Variants in TMCO4 observed in about 807,000 individuals in gnomAD.
The protein encoded by TMCO4 is transmembrane and coiled-coil domains 4, also known as transmembrane and coiled-coil domain-containing protein 4.
TMCO4 carries 58 observed loss-of-function variants against 64.7 expected under a neutral mutation model. The ratio of observed to expected loss-of-function variants is 0.90; its 90% CI spans 0.73 to 1.12. The LOEUF (loss-of-function observed/expected upper bound fraction) is 1.12, where lower values mean the gene tolerates loss of function less well. Ranked by LOEUF, TMCO4 falls within the 50% of genes most tolerant of loss-of-function variation. TMCO4 has a pLI of 0.00. For synonymous variants in TMCO4, 325 were observed against 346.1 expected, an observed-to-expected ratio of 0.94 and a Z score of 0.68; for missense variants, 780 against 825.9, an observed-to-expected ratio of 0.94 and a Z score of 0.68.
intron 14 of TMCO4, among the ~76,000 whole-genome samples, chr1:19,699,486 C>CATACAT (rs1205975029): frequency 2.1e-4 from 29 of 136,412 alleles, no homozygotes; most frequent in African/African-American, 7.2e-4. Context: ...TTTTCATATA[C>CATACAT]ATATATATAT....
intron 2 of TMCO4, 131 bp downstream of exon 2, chr1:19,798,003 GAAA>G (rs1390002459): frequency 5.7e-6 from 1 of 175,814 alleles, no homozygotes; most frequent in Non-Finnish European, 1.1e-5. Flanking sequence ...GAAAAGAAAA[GAAA>G]AGAAAAGAAA....
chr1:19,741,623 A>G (rs1301347614), intron 10 of TMCO4, among the ~76,000 whole-genome samples: 5 of 152,022 alleles, frequency 3.3e-5, no homozygotes, highest in Non-Finnish European at 7.4e-5. Flanking sequence ...TGCCTCCCTC[A>G]TCCCCTCCTT....
intron 6 of TMCO4, 74 bp downstream of exon 6, chr1:19,770,468 A>C (rs1570970579): frequency 1.3e-6 from 2 of 1,565,980 alleles, no homozygotes; most frequent in East Asian, 2.2e-5. Context: ...AGGTGGTGGC[A>C]CCTCTCACTG....
chr1:19,684,826 C>T (rs1487556061), intron 15 of TMCO4, among the ~76,000 whole-genome samples: 2 of 152,286 alleles, frequency 1.3e-5, no homozygotes, highest in African/African-American at 4.8e-5. Flanking sequence ...TGCTCTTCTT[C>T]CCTCATGTCC....
At position 19,755,624 on chromosome 1, in the gene TMCO4, GCT is replaced by G. The variant is rs1483178525; in HGVS notation, c.515+8_515+9del. The stretch of plus-strand genomic sequence containing the variant: ...CTTGGATCCTGATGGGGGTCGCGGG[GCT>G]CTCTTACTCAGATTCCTCTTCTTTG... On this transcript the variant is annotated splice_region_variant and intron_variant, in intron 7 of 15. Transcript: ENST00000294543. 5 of 1,613,622 alleles carry G rather than the reference GCT, an allele frequency of 3.1e-6. No individual in the cohort carries two copies. The highest frequency in any genetic ancestry group is 4.2e-6 in the Non-Finnish European group (5 of 1,179,776).
At chr1:19,708,191 T>A (rs1348250214) in intron 13 of TMCO4, among the ~76,000 whole-genome samples, 2 of 152,128 alleles carry the variant, frequency 1.3e-5, no homozygotes, top group Non-Finnish European at 2.9e-5. Context: ...TGAACCATTC[T>A]GAATGCTTCC....
chr1:19,741,403 T>A (rs1313339241), intron 10 of TMCO4, among the ~76,000 whole-genome samples: 3 of 152,220 alleles, frequency 2.0e-5, no homozygotes, highest in Admixed American at 6.5e-5. Context: ...GTCTGCTGCA[T>A]CTTGATTTAA....
At chr1:19,723,181 G>A (rs2095393374) in intron 13 of TMCO4, among the ~76,000 whole-genome samples, 1 of 152,202 alleles carries the variant, frequency 6.6e-6, no homozygotes, top group Non-Finnish European at 1.5e-5. Context: ...CTTATTGGTT[G>A]AGCATCCCAA....
At chr1:19,704,930 C>G (rs2095294339) in intron 13 of TMCO4, among the ~76,000 whole-genome samples, 1 of 152,144 alleles carries the variant, frequency 6.6e-6, no homozygotes, top group African/African-American at 2.4e-5. Context: ...TAGCTGGGAC[C>G]CTCCCCCTTT....
chr1:19,799,136 TG>T (rs1424956145), intron 1 of TMCO4: 1 of 152,684 alleles, frequency 6.5e-6, no homozygotes. Context: ...TTTTATCTCT[TG>T]CTTCCTAGCT....
At chr1:19,701,529 T>C (rs1211446252) in intron 13 of TMCO4, among the ~76,000 whole-genome samples, 1 of 152,138 alleles carries the variant, frequency 6.6e-6, no homozygotes, top group African/African-American at 2.4e-5. Flanking sequence ...ATCACATGGC[T>C]AATAAGTTCC....
At chr1:19,778,244 ATATTTATTTATTTATTTATT>A (rs142603109) in intron 4 of TMCO4, among the ~76,000 whole-genome samples, 2,337 of 146,358 alleles carry the variant, frequency 0.016, 66 homozygotes, top group African/African-American at 0.056. Flanking sequence ...CTCATTATTT[ATATTTATTTATTTATTTATT>A]TATTTATTTA....
rs572847357 is a variant in TMCO4 at position 19,733,095 on chromosome 1, G to A, written c.1264+4277C>T. ...AGCCTGGCCAACATGGTGAAACCCCGACTCTACTAAAAATACAAAAAATTT... is the reference window on the plus strand; with the variant it reads ...AGCCTGGCCAACATGGTGAAACCCCAACTCTACTAAAAATACAAAAAATTT... On this transcript the variant is annotated intron_variant, in intron 13 of 15. Coordinates refer to ENST00000294543, the MANE Select transcript of TMCO4 (RefSeq NM_181719.7). 3.9e-5 allele frequency among the ~76,000 whole-genome samples: 6 copies of A among 151,912 alleles called. No individual in the cohort carries two copies. In the East Asian group the frequency reaches 9.7e-4, roughly 25 times the overall value.
At chr1:19,705,415 C>CA (rs2095297446) in intron 13 of TMCO4, among the ~76,000 whole-genome samples, 1 of 151,776 alleles carries the variant, frequency 6.6e-6, no homozygotes. Flanking sequence ...GGTACCACTG[C>CA]ACTCCAGCCT....
rs1340615958 is a variant in TMCO4, at chr1:19,747,194, G to C, written c.582C>G (p.Gly194=). 1 of 1,614,062 alleles carries C rather than the reference G, an allele frequency of 6.2e-7. No homozygotes were observed. Among genetic ancestry groups the C allele is most frequent in the South Asian group, 1.1e-5 (1 of 91,076 alleles). The change falls in exon 8 of 16, where the codon GGC becomes GGG. Residue 194 remains glycine, a synonymous_variant. Transcript: ENST00000294543. ...CCGTTCCGCCTCCGACAGTCGCCAG[G>C]CCTATCAGGAGATAACGCTTCCATT... ...RRKWKRYLLI[G]LATVGGGTVI...
At chr1:19,772,807 C>T (rs567477541) in intron 4 of TMCO4, among the ~76,000 whole-genome samples, 2 of 152,318 alleles carry the variant, frequency 1.3e-5, no homozygotes, top group South Asian at 4.1e-4. Context: ...ATGTCAGGAG[C>T]CCCCTGCCCT....
chr1:19,765,053 C>G (rs566459981), intron 6 of TMCO4, among the ~76,000 whole-genome samples: 1 of 152,194 alleles, frequency 6.6e-6, no homozygotes, highest in Admixed American at 6.5e-5. Flanking sequence ...GTGTGTGCCT[C>G]CTGCAGTTCC....
At chr1:19,724,465 A>G (rs1189163199) in intron 13 of TMCO4, among the ~76,000 whole-genome samples, 1 of 152,246 alleles carries the variant, frequency 6.6e-6, no homozygotes, top group Non-Finnish European at 1.5e-5. Flanking sequence ...CCTGCCATCA[A>G]TCTCCTTATA....
Position 19,743,065 on chromosome 1 carries a change from T to A in TMCO4, c.878-2124A>T, listed in dbSNP as rs1344026361. 6.6e-6 allele frequency among the ~76,000 whole-genome samples: 1 copy of A among 151,676 alleles called. No homozygotes were observed. The highest frequency in any genetic ancestry group is 1.9e-4 in the East Asian group (1 of 5,170). On this transcript the variant is annotated intron_variant, in intron 10 of 15. Coordinates refer to ENST00000294543, the MANE Select transcript of TMCO4 (RefSeq NM_181719.7). This position sits in a 1 kb window ranked among gnomAD's most constrained non-coding sequence, Gnocchi z 4.1. Reference sequence around the variant, plus strand: ...CTCCGTCTCCAAAAGAAAATAAAAATAAAAAAAATAAAAAGGCGTTGTATA... The same window carrying A: ...CTCCGTCTCCAAAAGAAAATAAAAAAAAAAAAAATAAAAAGGCGTTGTATA...
Sources: allele counts gnomAD v4.1 joint callset (sites outside exome capture counted in the v4.1 genomes callset), GRCh38; gene constraint gnomAD v4.1.1; non-coding constraint Gnocchi (gnomAD v3.1); transcripts MANE v1.5; gene names NCBI Gene and HGNC (gene_info 2026-07-23, HGNC 2026-07-21).